Variants in CDH13 observed in about 807,000 individuals in gnomAD.
The protein encoded by CDH13 is cadherin-13.
In CDH13, 24 loss-of-function variants were observed where a neutral mutation model predicts 63.8. The ratio of observed to expected loss-of-function variants is 0.38; its 90% CI spans 0.27 to 0.53. The LOEUF is 0.53. Ranked by LOEUF, CDH13 falls within the 20% of genes least tolerant of loss-of-function variation. The probability of loss-of-function intolerance (pLI) is 0.85; values close to 1 mark genes in which losing one functional copy is unlikely to be tolerated. For missense variants in CDH13, 1,049 were observed against 903.1 expected, an observed-to-expected ratio of 1.16 and a Z score of -2.07; for synonymous variants, 503 against 355.3, an observed-to-expected ratio of 1.42 and a Z score of -4.67.
At chr16:82,792,979 C>A (rs2036396051) in intron 1 of CDH13, among the ~76,000 whole-genome samples, 1 of 152,224 alleles carries the variant, frequency 6.6e-6, no homozygotes, top group African/African-American at 2.4e-5. Context: ...GCTTGCCCGC[C>A]TGGGATGGGG....
intron 6 of CDH13, among the ~76,000 whole-genome samples, chr16:83,454,858 C>A (rs1434131615): frequency 6.6e-6 from 1 of 152,086 alleles, no homozygotes; most frequent in Non-Finnish European, 1.5e-5. Context: ...AGGCCCCTGC[C>A]ACCACACCTG....
chr16:82,881,222 G>A (rs1331871543), intron 2 of CDH13, among the ~76,000 whole-genome samples: 2 of 152,158 alleles, frequency 1.3e-5, no homozygotes, highest in African/African-American at 4.8e-5. Flanking sequence ...GTGTCTCTGG[G>A]CCATCTTGCA....
chr16:83,337,759 A>G (rs2090631612), intron 5 of CDH13, among the ~76,000 whole-genome samples: 2 of 150,262 alleles, frequency 1.3e-5, no homozygotes, highest in African/African-American at 2.4e-5. Flanking sequence ...TAATATACAG[A>G]CGCTCATTGT....
intron 3 of CDH13, among the ~76,000 whole-genome samples, chr16:83,102,926 TTTTC>T: frequency 2.3e-5 from 2 of 86,230 alleles, no homozygotes; most frequent in African/African-American, 4.7e-5. Flanking sequence ...TTTTTTTTCT[TTTTC>T]TTTTTTTTTT....
intron 6 of CDH13, among the ~76,000 whole-genome samples, chr16:83,366,820 G>C (rs878994424): frequency 6.6e-6 from 1 of 152,084 alleles, no homozygotes; most frequent in Admixed American, 6.5e-5. Flanking sequence ...TTGACACTTA[G>C]GAACTCTCAA....
At chr16:82,891,033 G>A (rs1334713082) in intron 2 of CDH13, among the ~76,000 whole-genome samples, 4 of 115,874 alleles carry the variant, frequency 3.5e-5, no homozygotes, top group Non-Finnish European at 5.2e-5. Context: ...AGTCATAGAG[G>A]AGGGTTTTTT....
intron 3 of CDH13, among the ~76,000 whole-genome samples, chr16:83,068,901 C>T (rs887061315): frequency 1.6e-4 from 25 of 152,142 alleles, no homozygotes; most frequent in African/African-American, 6.0e-4. Flanking sequence ...TGGTCTTTTG[C>T]ATTATGACAC....
At chr16:83,480,154 A>T (rs1244235644) in intron 6 of CDH13, among the ~76,000 whole-genome samples, 1 of 152,136 alleles carries the variant, frequency 6.6e-6, no homozygotes, top group Admixed American at 6.5e-5. Flanking sequence ...ACAAAACCCC[A>T]TCTCTACAAA....
intron 3 of CDH13, among the ~76,000 whole-genome samples, chr16:83,087,598 C>A (rs1242096874): frequency 7.0e-6 from 1 of 142,708 alleles, no homozygotes; most frequent in Non-Finnish European, 1.5e-5. Flanking sequence ...AACGCGGGAG[C>A]CGGAGGTCAC....
At chr16:82,878,170 C>T (rs760359443) in intron 2 of CDH13, among the ~76,000 whole-genome samples, 2 of 152,020 alleles carry the variant, frequency 1.3e-5, no homozygotes, top group Non-Finnish European at 2.9e-5. Context: ...GTAGCATTCC[C>T]CAGTCTGTGT....
chr16:82,850,874 G>A (rs540827837), intron 1 of CDH13, among the ~76,000 whole-genome samples: 2 of 152,126 alleles, frequency 1.3e-5, no homozygotes, highest in South Asian at 2.1e-4. Context: ...ATTAAGGTAT[G>A]TACATTGTTT....
intron 5 of CDH13, among the ~76,000 whole-genome samples, chr16:83,278,014 C>A (rs918604309): frequency 6.6e-6 from 1 of 152,096 alleles, no homozygotes; most frequent in Admixed American, 6.5e-5. Flanking sequence ...ATTATGATTT[C>A]TATTGATAAA....
At chr16:83,200,202 G>T (rs571793951) in intron 4 of CDH13, among the ~76,000 whole-genome samples, 7 of 152,172 alleles carry the variant, frequency 4.6e-5, no homozygotes, top group Non-Finnish European at 1.0e-4. Context: ...GAGGGTGTGA[G>T]CCTGGGCGCT....
chr16:83,315,402 G>T (rs941807769), intron 5 of CDH13, among the ~76,000 whole-genome samples: 3 of 152,156 alleles, frequency 2.0e-5, no homozygotes, highest in African/African-American at 7.2e-5. Flanking sequence ...GCAGAACCTT[G>T]GAGTTAACTG....
At chr16:83,411,621 C>A (rs796274376) in intron 6 of CDH13, among the ~76,000 whole-genome samples, 6 of 152,306 alleles carry the variant, frequency 3.9e-5, no homozygotes, top group African/African-American at 1.4e-4. Context: ...TGTGATGGCT[C>A]AAATAACCTA....
chr16:82,817,530 G>C (rs1031488749), intron 1 of CDH13, among the ~76,000 whole-genome samples: 3 of 152,174 alleles, frequency 2.0e-5, no homozygotes, highest in African/African-American at 7.2e-5. Flanking sequence ...TAGAGTGGGT[G>C]CAGTGGCTCA....
chr16:83,684,785 G>A (rs1904288058), intron 10 of CDH13, among the ~76,000 whole-genome samples: 1 of 152,188 alleles, frequency 6.6e-6, no homozygotes, highest in Non-Finnish European at 1.5e-5. Context: ...AGGGAGCCCT[G>A]CGAGTATATG....
At chr16:83,370,137 C>T (rs961682974) in intron 6 of CDH13, among the ~76,000 whole-genome samples, 30 of 152,138 alleles carry the variant, frequency 2.0e-4, no homozygotes, top group African/African-American at 7.2e-4. Flanking sequence ...CCTGTAATCC[C>T]AGCACTTTGG....
chr16:83,497,473 G>A (rs1274875910), intron 7 of CDH13, among the ~76,000 whole-genome samples: 2 of 135,022 alleles, frequency 1.5e-5, no homozygotes, highest in African/African-American at 5.6e-5. Flanking sequence ...AAATCACATG[G>A]ACACAGGAAG....
Sources: gnomAD v4.1 joint callset for allele counts (sites outside exome capture counted in the v4.1 genomes callset) on GRCh38, gnomAD v4.1.1 for gene constraint, MANE v1.5 for transcripts, NCBI Gene and HGNC (gene_info 2026-07-23, HGNC 2026-07-21) for gene names.